Variants in CLIP1 observed in about 807,000 individuals in gnomAD.
CLIP1 encodes the protein CAP-Gly domain-containing linker protein 1.
A neutral mutation model predicts 161.6 loss-of-function variants in CLIP1; 66 were observed. That is an observed-to-expected ratio of 0.41 (90% CI 0.33 to 0.50). The LOEUF (loss-of-function observed/expected upper bound fraction) is 0.50. Ranked by LOEUF, CLIP1 falls within the 20% of genes least tolerant of loss-of-function variation. The pLI is 0.27. For synonymous variants in CLIP1, 598 were observed against 626.2 expected (o/e 0.96, Z 0.67); for missense variants, 1,376 against 1,702.0 (o/e 0.81, Z 3.37).
Position 122,319,741 on chromosome 12 carries a change from A to G in CLIP1, c.3250-393T>C, listed in dbSNP as rs537739119. On this transcript the variant is annotated intron_variant, in intron 17 of 25. Transcript: ENST00000620786. ...ATTTCTTGGAATCATATTTATTATT[A>G]TAAGTTTAAAATACCATCCTTGCTA... Among the ~76,000 whole-genome samples the G allele has an allele frequency of 1.1e-3, 173 of 152,342 alleles. 1 individual carries two copies. Among genetic ancestry groups the G allele is most frequent in the African/African-American group, 3.4e-3 (141 of 41,578 alleles).
At chr12:122,290,144 G>A (rs1350972828) in intron 20 of CLIP1, among the ~76,000 whole-genome samples, 2 of 152,304 alleles carry the variant, frequency 1.3e-5, no homozygotes, top group East Asian at 3.9e-4. Context: ...CTCACTCTAA[G>A]TAGTTATAGT....
At chr12:122,307,570 T>A (rs1950920524) in intron 20 of CLIP1, among the ~76,000 whole-genome samples, 1 of 152,240 alleles carries the variant, frequency 6.6e-6, no homozygotes, top group African/African-American at 2.4e-5. Flanking sequence ...TTTTTTTAAA[T>A]AGCATTTCTG....
chr12:122,286,991 C>T (rs1955884625), intron 21 of CLIP1, among the ~76,000 whole-genome samples: 1 of 151,932 alleles, frequency 6.6e-6, no homozygotes, highest in African/African-American at 2.4e-5. Context: ...GAGCGAGAGT[C>T]TGCCTCAAAA....
At chr12:122,297,248 ATAG>A (rs1373078119) in intron 20 of CLIP1, among the ~76,000 whole-genome samples, 1 of 152,176 alleles carries the variant, frequency 6.6e-6, no homozygotes, top group Non-Finnish European at 1.5e-5. Flanking sequence ...GCTAAGAAAA[ATAG>A]TAGCTCGGGT....
chr12:122,335,609 C>A (rs1049627092), intron 12 of CLIP1, among the ~76,000 whole-genome samples: 3 of 152,066 alleles, frequency 2.0e-5, no homozygotes, highest in Admixed American at 1.3e-4. Context: ...TCGTTCAAGA[C>A]CAGCCTGGCC....
Position 122,278,168 on chromosome 12 carries a change from C to G in CLIP1, c.3952G>C (p.Ala1318Pro), listed in dbSNP as rs375902728. 29 of 1,604,838 alleles carry G rather than the reference C, an allele frequency of 1.8e-5. No homozygotes were observed. The African/African-American group carries it at 3.8e-4, about 21-fold the overall frequency. ...AGGAACATTACCTGACTCTCCTGGG[C>G]TCTTTCATCCTCGTCTGCCTGAGTG... ...TDTQADEDER[A>P]QESQIDFLNS... The change falls in exon 24 of 26, where the codon GCC becomes CCC. Residue 1318 changes from alanine to proline, a missense_variant. Transcript: ENST00000620786.
chr12:122,393,966 A>G (rs922699689), intron 1 of CLIP1, among the ~76,000 whole-genome samples: 4 of 151,640 alleles, frequency 2.6e-5, no homozygotes, highest in African/African-American at 9.7e-5. Context: ...AAATAGGGAC[A>G]TGTGACTGTT....
At position 122,365,381 on chromosome 12, in the gene CLIP1, TAAAC is replaced by T. The variant is rs200530713; in HGVS notation, c.658-1278_658-1275del. The stretch of plus-strand genomic sequence containing the variant: ...ACCCAGCATGCTGTTGGCATTGTTG[TAAAC>T]AAACAAGGGCAAGATTCTTGCCAAG... On this transcript the variant is annotated intron_variant, in intron 3 of 25. Transcript: ENST00000620786. 1,918 of 881,640 alleles carry T rather than the reference TAAAC, an allele frequency of 2.2e-3. 35 individuals are homozygous for T. In the East Asian group the frequency reaches 0.037, roughly 17 times the overall value. The allele number at this position is 881,640 out of a possible 1,614,324, so 54.6% of individuals were successfully genotyped here. A position where few individuals can be genotyped will look rare whatever the true frequency, so the allele number is the denominator to read the frequency against.
intron 5 of CLIP1, among the ~76,000 whole-genome samples, chr12:122,357,802 C>T (rs185858662): frequency 0.048 from 7,136 of 148,508 alleles, 446 homozygotes; most frequent in African/African-American, 0.15. Flanking sequence ...CCGCCCCATC[C>T]GGGAGGGAGG....
At chr12:122,407,114 T>A (rs1956350984) in intron 1 of CLIP1, among the ~76,000 whole-genome samples, 1 of 152,110 alleles carries the variant, frequency 6.6e-6, no homozygotes, top group African/African-American at 2.4e-5. Flanking sequence ...CCAGAAGAAC[T>A]TACTTAATGG....
At position 122,323,088 on chromosome 12, in the gene CLIP1, TTTTGAGG is replaced by T. The variant is rs533426209; in HGVS notation, c.3250-3747_3250-3741del. On this transcript the variant is annotated intron_variant, in intron 17 of 25. Transcript: ENST00000620786. This position sits in a 1 kb window ranked among gnomAD's most constrained non-coding sequence, Gnocchi z 4.1. ...TTTGCAGACTCTTGATCACATTGCC[TTTTGAGG>T]TCTCCTATGGCTTTGATGGAATTCT... The T allele has an allele frequency of 7.5e-4, 115 of 152,750 alleles. 1 individual carries two copies. Among genetic ancestry groups the T allele is most frequent in the African/African-American group, 2.7e-3 (111 of 41,578 alleles). 9.5% of individuals were successfully genotyped at this position (152,750 alleles called of 1,614,324 possible). A position where few individuals can be genotyped will look rare whatever the true frequency, so the allele number is the denominator to read the frequency against.
chr12:122,320,595 G>A (rs746229127), intron 17 of CLIP1, among the ~76,000 whole-genome samples: 56 of 151,958 alleles, frequency 3.7e-4, no homozygotes, highest in South Asian at 6.2e-4. Flanking sequence ...GTGGCAGCAC[G>A]CACCTGTAGT....
intron 21 of CLIP1, chr12:122,280,021 C>T (rs1055266097): frequency 6.6e-6 from 1 of 151,970 alleles, no homozygotes; most frequent in African/African-American, 2.4e-5. Flanking sequence ...GAAAACAGCC[C>T]AAAGAGCAGG....
chr12:122,298,569 C>A (rs1379497768), intron 20 of CLIP1, among the ~76,000 whole-genome samples: 3 of 150,210 alleles, frequency 2.0e-5, no homozygotes, highest in Admixed American at 6.6e-5. Flanking sequence ...CGCACTCCAG[C>A]CTGGGTGACA....
chr12:122,335,542 C>CA (rs1952177897), intron 12 of CLIP1, among the ~76,000 whole-genome samples: 1 of 152,058 alleles, frequency 6.6e-6, no homozygotes. Context: ...CGCAGTAGCT[C>CA]ACGCCTATAA....
chr12:122,293,258 C>G (rs926288301), intron 20 of CLIP1, among the ~76,000 whole-genome samples: 1 of 152,056 alleles, frequency 6.6e-6, no homozygotes, highest in Non-Finnish European at 1.5e-5. Flanking sequence ...ATCAGGAGAA[C>G]GCAAACTGAA....
At chr12:122,391,685 A>T (rs901660705) in intron 1 of CLIP1, among the ~76,000 whole-genome samples, 1 of 152,226 alleles carries the variant, frequency 6.6e-6, no homozygotes, top group Non-Finnish European at 1.5e-5. Flanking sequence ...AGTATTCCTG[A>T]AAGTAGGACT....
At chr12:122,308,606 C>T (rs1950960369) in intron 20 of CLIP1, among the ~76,000 whole-genome samples, 1 of 152,184 alleles carries the variant, frequency 6.6e-6, no homozygotes, top group Admixed American at 6.5e-5. Context: ...AAATTACTAT[C>T]ATCTTTGTGC....
chr12:122,417,235 G>A (rs985918547), intron 1 of CLIP1, among the ~76,000 whole-genome samples: 46 of 152,068 alleles, frequency 3.0e-4, no homozygotes, highest in African/African-American at 1.1e-3. Flanking sequence ...GACGGAGGTT[G>A]CAGTGAGCTG....
Sources: gnomAD v4.1 joint callset for allele counts (sites outside exome capture counted in the v4.1 genomes callset) on GRCh38, gnomAD v4.1.1 for gene constraint, Gnocchi (gnomAD v3.1) non-coding constraint, MANE v1.5 for transcripts, NCBI Gene and HGNC (gene_info 2026-07-23, HGNC 2026-07-21) for gene names.